The following EYA2 variants were observed in gnomAD, a reference collection of about 807,000 sequenced individuals.
EYA2 encodes EYA transcriptional coactivator and phosphatase 2.
EYA2 carries 31 observed loss-of-function variants against 69.2 expected under a neutral mutation model. The observed-to-expected ratio is 0.45, with a 90% CI of 0.34 to 0.60. EYA2 has a LOEUF of 0.60. EYA2 is among the 20% of genes least tolerant of loss of function. The probability of loss-of-function intolerance (pLI) is 0.02; values close to 1 mark genes in which losing one functional copy is unlikely to be tolerated. For synonymous variants in EYA2, 257 were observed against 279.4 expected (o/e 0.92, Z 0.80); for missense variants, 622 against 701.2 (o/e 0.89, Z 1.28).
chr20:47,141,766 G>T (rs1366020523), intron 9 of EYA2, among the ~76,000 whole-genome samples: 1 of 152,196 alleles, frequency 6.6e-6, no homozygotes, highest in Non-Finnish European at 1.5e-5. Context: ...GGGGAAGTGT[G>T]CACTGGCTCC....
At chr20:47,105,623 C>T (rs1971592) in intron 9 of EYA2, among the ~76,000 whole-genome samples, 88,497 of 128,516 alleles carry the variant, frequency 0.69, 28,482 homozygotes, top group East Asian at 0.72. Flanking sequence ...AGACTCTGTC[C>T]CAAAAAAAAA....
chr20:46,960,739 CAG>C (rs1254740205), intron 1 of EYA2, among the ~76,000 whole-genome samples: 3 of 152,190 alleles, frequency 2.0e-5, no homozygotes, highest in African/African-American at 7.2e-5. Flanking sequence ...GGTAGTTCAG[CAG>C]AGACAGCGTG....
intron 7 of EYA2, among the ~76,000 whole-genome samples, chr20:47,075,060 G>A (rs559183013): frequency 7.9e-5 from 12 of 152,352 alleles, no homozygotes; most frequent in African/African-American, 2.4e-4. Flanking sequence ...GCAGTGAGCC[G>A]AGATCGCGCC....
intron 5 of EYA2, among the ~76,000 whole-genome samples, chr20:47,059,108 C>G (rs947159597): frequency 6.6e-5 from 10 of 152,222 alleles, no homozygotes; most frequent in Admixed American, 3.3e-4. Context: ...CTTGGGTGGG[C>G]TCATAAGGAA....
intron 8 of EYA2, among the ~76,000 whole-genome samples, chr20:47,094,202 A>T (rs2032178893): frequency 6.6e-6 from 1 of 152,214 alleles, no homozygotes; most frequent in African/African-American, 2.4e-5. Flanking sequence ...GGGAGCCTGC[A>T]CTAAATTTGA....
intron 1 of EYA2, among the ~76,000 whole-genome samples, chr20:46,902,137 G>A (rs1984145485): frequency 1.3e-5 from 2 of 152,202 alleles, no homozygotes; most frequent in Non-Finnish European, 2.9e-5. Context: ...AGAGGTTGGG[G>A]GTTTGCTAGA....
At chr20:47,186,032 G>A (rs1461443461) in intron 15 of EYA2, among the ~76,000 whole-genome samples, 1 of 152,082 alleles carries the variant, frequency 6.6e-6, no homozygotes, top group Non-Finnish European at 1.5e-5. Context: ...CTTTGCCAGG[G>A]CCTGCTTAAA....
intron 5 of EYA2, among the ~76,000 whole-genome samples, chr20:47,070,691 A>G (rs1282193783): frequency 1.3e-5 from 2 of 152,240 alleles, no homozygotes; most frequent in African/African-American, 4.8e-5. Flanking sequence ...CAATTTTACA[A>G]GAAGAAAAAT....
intron 1 of EYA2, among the ~76,000 whole-genome samples, chr20:46,932,198 C>T (rs1037238223): frequency 2.0e-5 from 3 of 151,982 alleles, no homozygotes; most frequent in African/African-American, 7.3e-5. Context: ...TTGTGCACCC[C>T]CCATCCCCGG....
chr20:46,947,329 C>A (rs926559752), intron 1 of EYA2, among the ~76,000 whole-genome samples: 1 of 150,956 alleles, frequency 6.6e-6, no homozygotes, highest in East Asian at 1.9e-4. Context: ...TGTTTTTAAA[C>A]AACTTTGGAC....
intron 5 of EYA2, among the ~76,000 whole-genome samples, chr20:47,040,661 C>G (rs550329649): frequency 2.2e-4 from 33 of 152,310 alleles, no homozygotes; most frequent in Middle Eastern, 3.4e-3. Context: ...CCTTTAATCA[C>G]AGCCACACAA....
intron 1 of EYA2, among the ~76,000 whole-genome samples, chr20:46,931,577 C>T (rs1985670169): frequency 6.6e-6 from 1 of 152,174 alleles, no homozygotes; most frequent in Admixed American, 6.5e-5. Flanking sequence ...CGAAGCAGTG[C>T]CTGGCAGATA....
chr20:47,110,083 C>A (rs763090012), intron 9 of EYA2, among the ~76,000 whole-genome samples: 1 of 152,134 alleles, frequency 6.6e-6, no homozygotes, highest in Non-Finnish European at 1.5e-5. Context: ...TTTACACCCT[C>A]TCTCTCATTT....
intron 9 of EYA2, among the ~76,000 whole-genome samples, chr20:47,107,539 A>AAG (rs1158607376): frequency 2.7e-5 from 4 of 148,172 alleles, no homozygotes; most frequent in East Asian, 2.0e-4. Context: ...AAAAAAAAAA[A>AAG]AAGAAAGAAA....
Position 47,076,446 on chromosome 20 carries a change from C to A in EYA2, c.661+2111C>A, listed in dbSNP as rs554598208. Among the ~76,000 whole-genome samples, 8 of 152,238 alleles carry A rather than the reference C, an allele frequency of 5.3e-5. No homozygotes were observed. The South Asian group carries it at 1.7e-3, about 32-fold the overall frequency. On this transcript the variant is annotated intron_variant, in intron 7 of 15. Coordinates refer to ENST00000327619, the MANE Select transcript of EYA2 (RefSeq NM_005244.5). ...ATCATTGTGGTTTTGATTTGCATTT[C>A]CCTAATGACCAGTGATATTATTTTT...
intron 9 of EYA2, among the ~76,000 whole-genome samples, chr20:47,139,563 G>A (rs2033551152): frequency 6.6e-6 from 1 of 152,184 alleles, no homozygotes; most frequent in Admixed American, 6.5e-5. Context: ...CCGAATAGCT[G>A]GGATTACAGG....
At chr20:47,100,205 G>A (rs2032385291) in intron 9 of EYA2, among the ~76,000 whole-genome samples, 8 of 152,190 alleles carry the variant, frequency 5.3e-5, no homozygotes, top group Admixed American at 5.2e-4. Flanking sequence ...TTTCTCTTTG[G>A]CCCCCAGAGT....
At chr20:47,121,710 G>A (rs1159091362) in intron 9 of EYA2, among the ~76,000 whole-genome samples, 1 of 152,074 alleles carries the variant, frequency 6.6e-6, no homozygotes, top group East Asian at 1.9e-4. Context: ...TCCTTTGCAT[G>A]GGTCATCTCC....
intron 9 of EYA2, among the ~76,000 whole-genome samples, chr20:47,121,084 G>A (rs1464864910): frequency 6.9e-6 from 1 of 145,232 alleles, no homozygotes; most frequent in East Asian, 1.9e-4. Flanking sequence ...GTTTGTTGTT[G>A]TTGTTGTTGT....
Sources: allele counts gnomAD v4.1 joint callset (sites outside exome capture counted in the v4.1 genomes callset), GRCh38; gene constraint gnomAD v4.1.1; transcripts MANE v1.5; gene names NCBI Gene and HGNC (gene_info 2026-07-23, HGNC 2026-07-21).